The following ZNF711 variants were observed in gnomAD, a reference collection of about 807,000 sequenced individuals.
ZNF711 encodes ZFX family zinc finger ZNF711.
In ZNF711, 3 loss-of-function variants were observed where a neutral mutation model predicts 43.5. The observed-to-expected ratio is 0.07, with a 90% CI of 0.03 to 0.18. The LOEUF is 0.18. Among genes scored for constraint, ZNF711 ranks in the 10% least tolerant of loss-of-function variants. The pLI, the probability that ZNF711 is intolerant of heterozygous loss-of-function variation, is 1.00. For synonymous variants in ZNF711, 209 were observed against 207.7 expected (o/e 1.01, Z -0.06); for missense variants, 412 against 604.0 (o/e 0.68, Z 3.33).
At chrX:85,266,840 T>C (rs1931138195) in intron 7 of ZNF711, among the ~76,000 whole-genome samples, 1 of 107,662 alleles carries the variant, frequency 9.3e-6, no homozygotes, top group Admixed American at 1.0e-4. Context: ...ATTACAAGTA[T>C]TTTTGGTGAT....
Position 85,255,591 on chromosome X carries a change from A to G in ZNF711, c.412A>G (p.Asn138Asp). The G allele has an allele frequency of 8.3e-7, 1 of 1,211,651 alleles. No individual in the cohort carries two copies. The highest frequency in any genetic ancestry group is 2.2e-5 in the Admixed American group (1 of 46,034). ...VFVADLVTGPNGHLEHVVQDC... is the reference protein window; with the variant it reads ...VFVADLVTGPDGHLEHVVQDC... ...CGTGGCTGACCTTGTTACTGGTCCTAATGGACACTTAGAACATGTGGTCCA... is the reference window on the plus strand; with the variant it reads ...CGTGGCTGACCTTGTTACTGGTCCTGATGGACACTTAGAACATGTGGTCCA... Residue 138 changes from asparagine to aspartate, a missense_variant, in exon 5 of 11, where the codon AAT becomes GAT. Coordinates refer to ENST00000674551, the MANE Select transcript of ZNF711 (RefSeq NM_001330574.2).
chrX:85,256,934 A>G (rs1930194814), intron 5 of ZNF711, among the ~76,000 whole-genome samples: 1 of 111,388 alleles, frequency 9.0e-6, no homozygotes, highest in South Asian at 3.8e-4. Context: ...TATGGTTATC[A>G]TGTAAAATGA....
At chrX:85,251,863 G>T (rs1386984586) in intron 4 of ZNF711, among the ~76,000 whole-genome samples, 1 of 110,287 alleles carries the variant, frequency 9.1e-6, no homozygotes, top group Non-Finnish European at 1.9e-5. Context: ...AGGCAGTCTG[G>T]AGTCAAACAG....
intron 1 of ZNF711, among the ~76,000 whole-genome samples, chrX:85,244,451 G>T (rs1418110903): frequency 9.0e-6 from 1 of 111,597 alleles, no homozygotes; most frequent in Non-Finnish European, 1.9e-5. Context: ...AGAGCCCCAG[G>T]GAGCTAGAGC....
Position 85,255,413 on chromosome X carries a change from A to T in ZNF711, c.234A>T (p.Thr78=). The change falls in exon 5 of 11, where the codon ACA becomes ACT. Residue 78 remains threonine (T), a synonymous_variant. Coordinates refer to ENST00000674551, the MANE Select transcript of ZNF711 (RefSeq NM_001330574.2). ...AEVVHGPDII[T]ETDVVTEGVI... ...TTGTCCATGGACCTGATATCATCACAGAGACTGATGTAGTAACAGAAGGTG... is the reference window on the plus strand; with the variant it reads ...TTGTCCATGGACCTGATATCATCACTGAGACTGATGTAGTAACAGAAGGTG... The T allele has an allele frequency of 1.5e-5, 18 of 1,211,792 alleles. No individual in the cohort carries two copies. The highest frequency in any genetic ancestry group is 1.9e-5 in the Non-Finnish European group (17 of 895,576).
At chrX:85,268,477 GTT>G in intron 9 of ZNF711, 136 bp downstream of exon 9, 1 of 686,344 alleles carries the variant, frequency 1.5e-6, no homozygotes, top group Non-Finnish European at 2.2e-6. Context: ...AATCTAGTTA[GTT>G]AGGAGTTTCT....
rs1352229983 is a variant in ZNF711, at chrX:85,268,352, A to G, written c.1102+11A>G. 3 of 1,197,017 alleles carry G rather than the reference A, an allele frequency of 2.5e-6. No homozygotes were observed. The highest frequency in any genetic ancestry group is 1.1e-6 in the Non-Finnish European group (1 of 888,946). ...ATTGTCAAGCATCAGGTAAGAGAGCATTGTATATGAGATGTGAGTTAAAGT... is the reference window on the plus strand; with the variant it reads ...ATTGTCAAGCATCAGGTAAGAGAGCGTTGTATATGAGATGTGAGTTAAAGT... On this transcript the variant is annotated intron_variant, in intron 9 of 10. Coordinates refer to ENST00000674551, the MANE Select transcript of ZNF711 (RefSeq NM_001330574.2).
In ZNF711 at chrX:85,255,690, A is replaced by G. The variant is rs776408822; in HGVS notation, c.511A>G (p.Thr171Ala). 18 of 1,211,339 alleles carry G rather than the reference A, an allele frequency of 1.5e-5. No individual in the cohort carries two copies. The highest frequency in any genetic ancestry group is 1.9e-5 in the Non-Finnish European group (17 of 895,363). Residue 171 changes from threonine to alanine, a missense_variant, in exon 5 of 11, where the codon ACT becomes GCT. Around this residue, in one of 4 missense-constraint regions of ZNF711, gnomAD observed 375 missense variants for 514.2 expected, o/e 0.73. Coordinates refer to ENST00000674551, the MANE Select transcript of ZNF711 (RefSeq NM_001330574.2). ...TCTTGTAACTAATTCAGATACAGAAACTGTGATTCAAGCAGCTGGAGGTGT... is the reference window on the plus strand; with the variant it reads ...TCTTGTAACTAATTCAGATACAGAAGCTGTGATTCAAGCAGCTGGAGGTGT... ...EVLVTNSDTETVIQAAGGVPG... is the reference protein window; with the variant it reads ...EVLVTNSDTEAVIQAAGGVPG...
chrX:85,265,275 G>A lies in ZNF711; in HGVS notation c.916+20G>A, dbSNP rs781565508. ...ATATCAGTAAGAAAATAAGGGCACT[G>A]TAGTGACTTATCAGTAGCCATCATG... On this transcript the variant is annotated intron_variant, in intron 7 of 10. Coordinates refer to ENST00000674551, the MANE Select transcript of ZNF711 (RefSeq NM_001330574.2). 6 of 1,201,693 alleles carry A rather than the reference G, an allele frequency of 5.0e-6. No individual in the cohort carries two copies. In the East Asian group the frequency reaches 1.5e-4, roughly 30 times the overall value.
chrX:85,271,195 C>T lies in ZNF711; in HGVS notation c.1791C>T (p.His597=), dbSNP rs1400969039. The change falls in exon 11 of 11, where the codon CAC becomes CAT. Residue 597 remains histidine (H), a synonymous_variant. Coordinates refer to ENST00000674551, the MANE Select transcript of ZNF711 (RefSeq NM_001330574.2). The part of the protein sequence containing the change: ...RCADQSNLKT[H]IKSKHGNNLP... Reference sequence around the variant, plus strand: ...CAGATCAATCAAATCTGAAAACTCACATTAAGTCTAAACATGGTAACAATT... The same window carrying T: ...CAGATCAATCAAATCTGAAAACTCATATTAAGTCTAAACATGGTAACAATT... 8.3e-7 allele frequency: 1 copy of T among 1,209,513 alleles called. No individual in the cohort carries two copies. The highest frequency in any genetic ancestry group is 2.2e-5 in the Admixed American group (1 of 45,783).
chrX:85,262,315 T>G (rs895998841), intron 5 of ZNF711, among the ~76,000 whole-genome samples: 3 of 110,809 alleles, frequency 2.7e-5, no homozygotes, highest in Admixed American at 9.7e-5. Flanking sequence ...TTAACTCAGC[T>G]TATCCCAGAA....
chrX:85,253,784 C>CACAT lies in ZNF711; in HGVS notation c.80-1472_80-1471insTACA, dbSNP rs1406181175. On this transcript the variant is annotated intron_variant, in intron 4 of 10. Transcript: ENST00000674551. ...TCACAGACACACACACACACACACA[C>CACAT]ACACACACACACACACAGACACCCT... Among the ~76,000 whole-genome samples, 14 of 110,517 alleles carry CACAT rather than the reference C, an allele frequency of 1.3e-4. No individual in the cohort carries two copies. In the East Asian group the frequency reaches 3.1e-3, roughly 25 times the overall value.
intron 8 of ZNF711, 87 bp from the exon 9 acceptor site, chrX:85,268,207 T>C: frequency 9.3e-7 from 1 of 1,069,706 alleles, no homozygotes; most frequent in Non-Finnish European, 1.2e-6. Flanking sequence ...AGTAAGATTT[T>C]GTAGATTAAG....
rs917699832 is a variant in ZNF711, at chrX:85,253,943, G to A, written c.80-1316G>A. ...TTTTCCCTCAGCAAAATTTTCTGGAGGAAATTCAGGTTGTTGAATATATCA... is the reference window on the plus strand; with the variant it reads ...TTTTCCCTCAGCAAAATTTTCTGGAAGAAATTCAGGTTGTTGAATATATCA... On this transcript the variant is annotated intron_variant, in intron 4 of 10. Coordinates refer to ENST00000674551, the MANE Select transcript of ZNF711 (RefSeq NM_001330574.2). Among the ~76,000 whole-genome samples, 9 of 111,356 alleles carry A rather than the reference G, an allele frequency of 8.1e-5. No homozygotes were observed. In the Admixed American group the frequency reaches 8.6e-4, roughly 11 times the overall value.
Position 85,255,356 on chromosome X carries a change from G to A in ZNF711, c.177G>A (p.Gly59=). 2 of 1,211,417 alleles carry A rather than the reference G, an allele frequency of 1.7e-6. No individual in the cohort carries two copies. Among genetic ancestry groups the A allele is most frequent in the African/African-American group, 3.5e-5 (2 of 57,691 alleles). The change falls in exon 5 of 11, where the codon GGG becomes GGA. Residue 59 remains glycine, a synonymous_variant. Coordinates refer to ENST00000674551, the MANE Select transcript of ZNF711 (RefSeq NM_001330574.2). Reference sequence around the variant, plus strand: ...TTTCTGATGTTGTCACAGATGATGGGATAACTCTTGATCATGGCCTTGCAG... The same window carrying A: ...TTTCTGATGTTGTCACAGATGATGGAATAACTCTTGATCATGGCCTTGCAG... ...VLVSDVVTDD[G]ITLDHGLAAE...
Position 85,254,350 on chromosome X carries a change from A to G in ZNF711, c.80-909A>G, listed in dbSNP as rs1439215944. ...CCGGGCGCGGTGGCTCACGCCTGTA[A>G]TCCCAGCACTTTGGGAGGCCGAGGC... On this transcript the variant is annotated intron_variant, in intron 4 of 10. Coordinates refer to ENST00000674551, the MANE Select transcript of ZNF711 (RefSeq NM_001330574.2). 7.0e-3 allele frequency among the ~76,000 whole-genome samples: 517 copies of G among 73,628 alleles called. 2 individuals carry two copies. Among genetic ancestry groups the G allele is most frequent in the African/African-American group, 0.015 (212 of 13,747 alleles). 63.9% of individuals were successfully genotyped at this position (73,628 alleles called of 115,157 possible). A position where few individuals can be genotyped will look rare whatever the true frequency, so the allele number is the denominator to read the frequency against.
chrX:85,266,809 T>G (rs1365234078), intron 7 of ZNF711, among the ~76,000 whole-genome samples: 1 of 108,506 alleles, frequency 9.2e-6, no homozygotes, highest in African/African-American at 3.3e-5. Flanking sequence ...TAATTTTTAT[T>G]TTTATTTTAA....
intron 5 of ZNF711, among the ~76,000 whole-genome samples, chrX:85,262,647 ATATAAT>A (rs201197611): frequency 0.13 from 14,345 of 109,481 alleles, 713 homozygotes; most frequent in South Asian, 0.17. Context: ...AAGTTTAGTA[ATATAAT>A]TAGGAGCTCT....
chrX:85,269,547 A>G (rs377419196), intron 9 of ZNF711, among the ~76,000 whole-genome samples: 88 of 108,360 alleles, frequency 8.1e-4, no homozygotes, highest in African/African-American at 2.4e-3. Context: ...TGCCTGACCA[A>G]TTTGTTTTTT....
Sources: allele counts gnomAD v4.1 joint callset (sites outside exome capture counted in the v4.1 genomes callset), GRCh38; gene constraint gnomAD v4.1.1; regional missense constraint gnomAD v4.1.1; transcripts MANE v1.5; gene names NCBI Gene and HGNC (gene_info 2026-07-23, HGNC 2026-07-21).